Variants in ADGRE2 observed in about 807,000 individuals in gnomAD.
ADGRE2 encodes adhesion G protein-coupled receptor E2, also known as CD97 antigen.
A neutral mutation model predicts 100.8 loss-of-function variants in ADGRE2; 83 were observed. That is an observed-to-expected ratio of 0.82 (90% CI 0.69 to 0.99). The LOEUF is 0.99. Ranked by LOEUF, ADGRE2 falls within the 50% of genes least tolerant of loss-of-function variation. The probability of loss-of-function intolerance (pLI) is 0.00; values close to 1 mark genes in which losing one functional copy is unlikely to be tolerated. For missense variants in ADGRE2, 814 were observed against 1,035.7 expected (o/e 0.79, Z 2.94); for synonymous variants, 355 against 413.0 (o/e 0.86, Z 1.70).
chr19:14,734,438 T>C lies in ADGRE2; in HGVS notation c.*1798A>G, dbSNP rs1441266368. On this transcript the variant is annotated 3_prime_UTR_variant, in exon 21 of 21. Coordinates refer to ENST00000315576, the MANE Select transcript of ADGRE2 (RefSeq NM_013447.4). ...GGGGGACTGAGGCAGGAGGATTGCT[T>C]AGGCCTTGGGAGGTCGAGGCTGCAG... 4.6e-5 allele frequency: 7 copies of C among 152,206 alleles called. No individual in the cohort carries two copies. The highest frequency in any genetic ancestry group is 9.7e-5 in the African/African-American group (4 of 41,428). 9.4% of individuals were successfully genotyped at this position (152,206 alleles called of 1,614,324 possible).
At position 14,766,960 on chromosome 19, in the gene ADGRE2, T is replaced by C. The variant is rs1273999690; in HGVS notation, c.487+18A>G. On this transcript the variant is annotated intron_variant, in intron 6 of 20. Transcript: ENST00000315576. ...CCAGCTCCCGTCCAGCCTCACAGCG[T>C]CTTCCTGGGGCCTCTACCTGTGCAG... 6.5e-7 allele frequency: 1 copy of C among 1,533,686 alleles called. No homozygotes were observed. The highest frequency in any genetic ancestry group is 1.5e-5 in the African/African-American group (1 of 68,410).
At position 14,766,971 on chromosome 19, in the gene ADGRE2, C is replaced by T; in HGVS notation, c.487+7G>A. 6.7e-7 allele frequency: 1 copy of T among 1,487,272 alleles called. No individual in the cohort carries two copies. Among genetic ancestry groups the T allele is most frequent in the Non-Finnish European group, 9.1e-7 (1 of 1,098,864 alleles). The allele number at this position is 1,487,272 out of a possible 1,614,324, so 92.1% of individuals were successfully genotyped here. On this transcript the variant is annotated splice_region_variant and intron_variant, in intron 6 of 20. Coordinates refer to ENST00000315576, the MANE Select transcript of ADGRE2 (RefSeq NM_013447.4). ...CCAGCCTCACAGCGTCTTCCTGGGG[C>T]CTCTACCTGTGCAGAGCTTCGGGTC...
At chr19:14,766,407 C>A in intron 6 of ADGRE2, 26 bp from the exon 7 acceptor site, 1 of 1,596,070 alleles carries the variant, frequency 6.3e-7, no homozygotes, top group South Asian at 1.1e-5. Context: ...GAGGGTCAAA[C>A]CCTGTCCCTG....
downstream of ADGRE2, among the ~76,000 whole-genome samples, chr19:14,728,351 T>C (rs1178240896): frequency 6.6e-6 from 1 of 152,222 alleles, no homozygotes; most frequent in East Asian, 1.9e-4. Flanking sequence ...TCTCTTCTTA[T>C]GCTAGGGTGT....
At position 14,746,967 on chromosome 19, in the gene ADGRE2, A is replaced by G. The variant is rs536793741; in HGVS notation, c.2025-5T>C. The stretch of plus-strand genomic sequence containing the variant: ...TTTTCTGGTTGGAGCCAGCAGCTGA[A>G]AAAAGAGAGATTAAAAAAAATGCAT... On this transcript the variant is annotated splice_polypyrimidine_tract_variant and splice_region_variant and intron_variant, in intron 16 of 20. Coordinates refer to ENST00000315576, the MANE Select transcript of ADGRE2 (RefSeq NM_013447.4). 4 of 1,598,352 alleles carry G rather than the reference A, an allele frequency of 2.5e-6. No homozygotes were observed. Among genetic ancestry groups the G allele is most frequent in the East Asian group, 2.2e-5 (1 of 44,462 alleles).
intron 14 of ADGRE2, 136 bp from the exon 15 acceptor site, chr19:14,752,662 C>CAATTT: frequency 9.0e-6 from 10 of 1,114,002 alleles, no homozygotes; most frequent in Non-Finnish European, 1.2e-5. Context: ...AAGATGTCAC[C>CAATTT]AATTTAATTT....
intron 16 of ADGRE2, among the ~76,000 whole-genome samples, chr19:14,747,743 G>C (rs970306698): frequency 3.3e-5 from 5 of 149,504 alleles, no homozygotes; most frequent in Admixed American, 3.3e-4. Context: ...AGGAAGCAGA[G>C]AGCAGAGGTT....
intron 18 of ADGRE2, among the ~76,000 whole-genome samples, chr19:14,745,145 A>T (rs1417139700): frequency 2.0e-5 from 3 of 151,774 alleles, no homozygotes; most frequent in East Asian, 1.9e-4. Context: ...TGACCTTGTG[A>T]TCTGCCCCCG....
rs191200474 is a variant in ADGRE2, at chr19:14,766,345, T to C, written c.524A>G (p.His175Arg). The C allele has an allele frequency of 1.4e-4, 234 of 1,613,938 alleles. 1 individual carries two copies. The Middle Eastern group carries it at 3.0e-3, about 20-fold the overall frequency. Residue 175 changes from histidine to arginine, a missense_variant, in exon 7 of 21, where the codon CAC becomes CGC. By Grantham distance (29) the His-to-Arg change is conservative (BLOSUM62 0). Transcript: ENST00000315576. ...NECTSGQNPCHSSTHCLNNVG... is the reference protein window; with the variant it reads ...NECTSGQNPCRSSTHCLNNVG... ...GTTGTTGAGGCAGTGGGTGGAGCTG[T>C]GGCATGGGTTTTGTCCGGAGGTGCA...
At chr19:14,728,417 C>T (rs1312592627), downstream of ADGRE2, among the ~76,000 whole-genome samples, 1 of 152,184 alleles carries the variant, frequency 6.6e-6, no homozygotes, top group Non-Finnish European at 1.5e-5. Context: ...GTCTTCTCCT[C>T]TCATCCCTGA....
At chr19:14,738,986 T>TTTTA (rs2042844843) in intron 20 of ADGRE2, among the ~76,000 whole-genome samples, 1 of 135,364 alleles carries the variant, frequency 7.4e-6, no homozygotes, top group South Asian at 2.3e-4. Flanking sequence ...TTTTTTTTTT[T>TTTTA]GAGACATAGT....
intron 2 of ADGRE2, 101 bp downstream of exon 2, chr19:14,776,625 C>T: frequency 5.2e-6 from 7 of 1,351,682 alleles, no homozygotes; most frequent in Non-Finnish European, 5.2e-6. Flanking sequence ...CCATCGCCGG[C>T]CCCACAGACA....
intron 11 of ADGRE2, among the ~76,000 whole-genome samples, chr19:14,761,701 C>G (rs1047143805): frequency 3.3e-5 from 5 of 152,118 alleles, no homozygotes; most frequent in Non-Finnish European, 7.4e-5. Context: ...AATGGCGGCT[C>G]CATCTTCCCA....
intron 2 of ADGRE2, among the ~76,000 whole-genome samples, chr19:14,775,860 GAAAA>G (rs3057586): frequency 1.9e-5 from 2 of 107,912 alleles, no homozygotes; most frequent in African/African-American, 7.2e-5. Flanking sequence ...CTCCGCCTCA[GAAAA>G]AAAAAAAAAA....
At chr19:14,739,225 C>T (rs1191564714) in intron 20 of ADGRE2, among the ~76,000 whole-genome samples, 2 of 152,160 alleles carry the variant, frequency 1.3e-5, no homozygotes, top group Non-Finnish European at 2.9e-5. Context: ...CCGCCTTGGC[C>T]TCCCAAAGTG....
At chr19:14,766,713 C>A (rs1373325919) in intron 6 of ADGRE2, among the ~76,000 whole-genome samples, 1 of 152,222 alleles carries the variant, frequency 6.6e-6, no homozygotes, top group African/African-American at 2.4e-5. Context: ...GGAAGTGACA[C>A]CTTCTTCCAC....
At chr19:14,771,852 G>C (rs2044222430) in intron 5 of ADGRE2, 1 of 155,096 alleles carries the variant, frequency 6.4e-6, no homozygotes, top group Admixed American at 6.3e-5. Context: ...TGTTGGCCAG[G>C]ATAGTCTCGA....
At chr19:14,765,196 C>T in intron 10 of ADGRE2, 124 bp downstream of exon 10, 1 of 943,358 alleles carries the variant, frequency 1.1e-6, no homozygotes, top group South Asian at 1.5e-5. Flanking sequence ...CTGAAAGATG[C>T]TGGGAGTCAG....
downstream of ADGRE2, chr19:14,731,094 T>G (rs1289650388): frequency 1.1e-5 from 12 of 1,076,368 alleles, no homozygotes; most frequent in Middle Eastern, 2.0e-4. Context: ...TCCTGCCCCC[T>G]CCCCCCAAGG....
Sources: gnomAD v4.1 joint callset for allele counts (sites outside exome capture counted in the v4.1 genomes callset) on GRCh38, gnomAD v4.1.1 for gene constraint, MANE v1.5 for transcripts, NCBI Gene and HGNC (gene_info 2026-07-23, HGNC 2026-07-21) for gene names.